The following SPAG16 variants were observed in gnomAD, a reference collection of about 807,000 sequenced individuals.
SPAG16 encodes the protein sperm associated antigen 16, also known as sperm-associated antigen 16 protein.
In SPAG16, 86 loss-of-function variants were observed where a neutral mutation model predicts 80.4. That is an observed-to-expected ratio of 1.07 (90% CI 0.90 to 1.28). SPAG16 has a LOEUF of 1.28. Ranked by LOEUF, SPAG16 falls within the 50% of genes most tolerant of loss-of-function variation. The probability of loss-of-function intolerance (pLI) is 0.00; values close to 1 mark genes in which losing one functional copy is unlikely to be tolerated. For synonymous variants in SPAG16, 294 were observed against 265.9 expected, an observed-to-expected ratio of 1.11 and a Z score of -1.03; for missense variants, 870 against 765.3, an observed-to-expected ratio of 1.14 and a Z score of -1.61.
intron 13 of SPAG16, among the ~76,000 whole-genome samples, chr2:214,081,949 T>C (rs1446472082): frequency 2.6e-5 from 4 of 152,114 alleles, no homozygotes; most frequent in African/African-American, 9.7e-5. Flanking sequence ...TCAAGAGAGC[T>C]GGGGCCACCA....
intron 10 of SPAG16, among the ~76,000 whole-genome samples, chr2:213,508,435 G>A (rs530910635): frequency 3.9e-5 from 6 of 152,282 alleles, no homozygotes; most frequent in South Asian, 4.1e-4. Context: ...AGCCGGGCGC[G>A]GTGGCGGGCG....
chr2:213,634,143 TGGAGATATGA>T (rs2125091411), intron 10 of SPAG16, among the ~76,000 whole-genome samples: 1 of 152,258 alleles, frequency 6.6e-6, no homozygotes, highest in African/African-American at 2.4e-5. Context: ...TGATTTTCCC[TGGAGATATGA>T]TTATTTTCTT....
chr2:213,800,936 A>T (rs1241193078), intron 10 of SPAG16, among the ~76,000 whole-genome samples: 1 of 152,196 alleles, frequency 6.6e-6, no homozygotes, highest in Non-Finnish European at 1.5e-5. Flanking sequence ...GAAACTCAAG[A>T]ACTTTACCAT....
intron 15 of SPAG16, among the ~76,000 whole-genome samples, chr2:214,357,208 A>G (rs1015060686): frequency 2.0e-5 from 3 of 151,912 alleles, no homozygotes; most frequent in African/African-American, 7.2e-5. Flanking sequence ...TGTGCCCAAT[A>G]TGAATTTCTT....
At chr2:213,326,571 A>G (rs1186611053) in intron 5 of SPAG16, among the ~76,000 whole-genome samples, 1 of 152,004 alleles carries the variant, frequency 6.6e-6, no homozygotes, top group African/African-American at 2.4e-5. Context: ...GCCATCCAAC[A>G]GTTATTCCAA....
At chr2:213,665,559 T>C (rs1419130248) in intron 10 of SPAG16, among the ~76,000 whole-genome samples, 1 of 152,170 alleles carries the variant, frequency 6.6e-6, no homozygotes, top group Admixed American at 6.5e-5. Flanking sequence ...CATTATCTGA[T>C]AGTCATGTTC....
intron 10 of SPAG16, among the ~76,000 whole-genome samples, chr2:213,683,841 G>T (rs1413007206): frequency 6.6e-6 from 1 of 152,018 alleles, no homozygotes; most frequent in African/African-American, 2.4e-5. Context: ...TGGAAAAGTT[G>T]TTCTCATTTG....
intron 10 of SPAG16, among the ~76,000 whole-genome samples, chr2:213,771,221 G>A (rs764924007): frequency 4.6e-5 from 7 of 151,910 alleles, no homozygotes; most frequent in Non-Finnish European, 7.4e-5. Context: ...ATGATGCTGA[G>A]TTTTTTTTCG....
chr2:213,995,953 C>T (rs1342035133), intron 12 of SPAG16, among the ~76,000 whole-genome samples: 1 of 152,172 alleles, frequency 6.6e-6, no homozygotes, highest in East Asian at 1.9e-4. Flanking sequence ...GGGAATCTAC[C>T]TCACTCTTTC....
At chr2:213,731,153 GTTTTTTTT>G (rs57074369) in intron 10 of SPAG16, among the ~76,000 whole-genome samples, 4 of 107,098 alleles carry the variant, frequency 3.7e-5, no homozygotes, top group Non-Finnish European at 7.3e-5. Context: ...TTATATCTGA[GTTTTTTTT>G]TTTTTTTTTT....
At chr2:213,634,451 T>C (rs1328877632) in intron 10 of SPAG16, among the ~76,000 whole-genome samples, 2 of 152,184 alleles carry the variant, frequency 1.3e-5, no homozygotes, top group Admixed American at 1.3e-4. Flanking sequence ...TTAAAGAAGT[T>C]CACATGCCAC....
intron 15 of SPAG16, among the ~76,000 whole-genome samples, chr2:214,396,431 T>A (rs1701385798): frequency 6.6e-6 from 1 of 152,180 alleles, no homozygotes; most frequent in South Asian, 2.1e-4. Flanking sequence ...GTTCTATGTA[T>A]AAGAAATGAC....
chr2:213,765,111 T>C (rs2068862264), intron 10 of SPAG16, among the ~76,000 whole-genome samples: 1 of 152,246 alleles, frequency 6.6e-6, no homozygotes. Flanking sequence ...CTCATGCCTG[T>C]AATCCCAGCA....
Position 214,406,940 on chromosome 2 carries a change from T to C in SPAG16, c.1721-3200T>C, listed in dbSNP as rs1028446554. Among the ~76,000 whole-genome samples the C allele has an allele frequency of 2.6e-5, 4 of 152,130 alleles. 1 individual carries two copies. The highest frequency in any genetic ancestry group is 5.9e-5 in the Non-Finnish European group (4 of 67,960). ...AGGAGTCATAATCACTCAGTGTTGATATATACTGAGTTATTTGTATAAAAA... is the reference window on the plus strand; with the variant it reads ...AGGAGTCATAATCACTCAGTGTTGACATATACTGAGTTATTTGTATAAAAA... On this transcript the variant is annotated intron_variant, in intron 15 of 15. Coordinates refer to ENST00000331683, the MANE Select transcript of SPAG16 (RefSeq NM_024532.5).
At chr2:213,588,531 G>A (rs2060549687) in intron 10 of SPAG16, among the ~76,000 whole-genome samples, 1 of 150,446 alleles carries the variant, frequency 6.6e-6, no homozygotes, top group Admixed American at 6.6e-5. Flanking sequence ...GGCCGGGCGC[G>A]GTGGCTCACG....
chr2:213,764,370 AG>A (rs2068820348), intron 10 of SPAG16, among the ~76,000 whole-genome samples: 1 of 151,792 alleles, frequency 6.6e-6, no homozygotes, highest in African/African-American at 2.4e-5. Context: ...AGGAACATTC[AG>A]GGGGAAAAAA....
At chr2:214,262,179 G>A (rs1248372300) in intron 15 of SPAG16, among the ~76,000 whole-genome samples, 1 of 151,902 alleles carries the variant, frequency 6.6e-6, no homozygotes, top group Non-Finnish European at 1.5e-5. Context: ...AGCATCTTCA[G>A]TGTATTATAT....
At chr2:214,376,167 T>C (rs1041227433) in intron 15 of SPAG16, among the ~76,000 whole-genome samples, 1 of 152,068 alleles carries the variant, frequency 6.6e-6, no homozygotes, top group East Asian at 1.9e-4. Context: ...AGAAACAAAA[T>C]AGAAGCCGAT....
intron 10 of SPAG16, among the ~76,000 whole-genome samples, chr2:213,515,441 TC>T (rs2075384622): frequency 2.0e-5 from 3 of 152,190 alleles, no homozygotes; most frequent in African/African-American, 7.2e-5. Context: ...GCCCTGTTGC[TC>T]TCAACTGGAG....
Sources: allele counts gnomAD v4.1 joint callset (sites outside exome capture counted in the v4.1 genomes callset), GRCh38; gene constraint gnomAD v4.1.1; transcripts MANE v1.5; gene names NCBI Gene and HGNC (gene_info 2026-07-23, HGNC 2026-07-21).